The following ELMO1 variants were observed in gnomAD, a reference collection of about 807,000 sequenced individuals.
The protein encoded by ELMO1 is engulfment and cell motility 1.
In ELMO1, 26 loss-of-function variants were observed where a neutral mutation model predicts 98.9. The observed-to-expected ratio is 0.26, with a 90% CI of 0.19 to 0.36. The LOEUF is 0.36. Ranked by LOEUF, ELMO1 falls within the 10% of genes least tolerant of loss-of-function variation. The pLI is 1.00. For missense variants in ELMO1, 627 were observed against 935.2 expected (o/e 0.67, Z 4.30); for synonymous variants, 346 against 346.0 (o/e 1.00, Z 0.00).
chr7:37,091,794 A>G (rs79897429), intron 15 of ELMO1, among the ~76,000 whole-genome samples: 8 of 152,216 alleles, frequency 5.3e-5, no homozygotes, highest in South Asian at 2.1e-4. Flanking sequence ...GGTGGAAGGC[A>G]AAAGGCAAGT....
intron 6 of ELMO1, among the ~76,000 whole-genome samples, chr7:37,258,101 C>G (rs1342915530): frequency 6.6e-6 from 1 of 152,158 alleles, no homozygotes; most frequent in Admixed American, 6.6e-5. Flanking sequence ...AACCCCATCT[C>G]TACTAAAAAT....
At chr7:36,969,184 T>C (rs1026407317) in intron 16 of ELMO1, among the ~76,000 whole-genome samples, 2 of 151,916 alleles carry the variant, frequency 1.3e-5, no homozygotes, top group Non-Finnish European at 2.9e-5. Context: ...ATTCTATATA[T>C]TATATTTTAA....
intron 1 of ELMO1, among the ~76,000 whole-genome samples, chr7:37,379,126 G>A (rs1428687415): frequency 4.6e-5 from 7 of 151,690 alleles, no homozygotes; most frequent in African/African-American, 4.8e-5. Context: ...TGCAAGCTCC[G>A]CCTCCCGGGT....
At chr7:37,418,217 C>T (rs549474865) in intron 1 of ELMO1, among the ~76,000 whole-genome samples, 87 of 152,302 alleles carry the variant, frequency 5.7e-4, no homozygotes, top group African/African-American at 2.1e-3. Flanking sequence ...TTTCATTCCA[C>T]CTTCTTTTTC....
At chr7:37,288,467 C>T (rs1215317457) in intron 4 of ELMO1, among the ~76,000 whole-genome samples, 2 of 152,166 alleles carry the variant, frequency 1.3e-5, no homozygotes, top group Non-Finnish European at 2.9e-5. Context: ...TCAGGTGATC[C>T]GCCCACCTCA....
At chr7:37,212,452 C>T (rs574304367) in intron 12 of ELMO1, among the ~76,000 whole-genome samples, 138 of 152,200 alleles carry the variant, frequency 9.1e-4, no homozygotes, top group Non-Finnish European at 1.2e-3. Flanking sequence ...AAGCAAAGAG[C>T]GTCATGTCAT....
At chr7:37,341,647 T>A (rs898172268) in intron 2 of ELMO1, among the ~76,000 whole-genome samples, 2 of 152,236 alleles carry the variant, frequency 1.3e-5, no homozygotes, top group African/African-American at 4.8e-5. Flanking sequence ...TCCTTTGGAT[T>A]CGCACAATTC....
intron 13 of ELMO1, among the ~76,000 whole-genome samples, chr7:37,177,049 A>G (rs552551934): frequency 3.3e-5 from 5 of 152,320 alleles, no homozygotes; most frequent in African/African-American, 1.2e-4. Flanking sequence ...CAAACTAGAT[A>G]AAAGGTGGGA....
chr7:37,259,305 T>G lies in ELMO1; in HGVS notation c.289A>C (p.Met97Leu). Residue 97 changes from methionine (M) to leucine (L), a missense_variant, in exon 6 of 22, where the codon ATG (methionine) becomes CTG (leucine). Physicochemically the swap from Met to Leu is conservative, Grantham distance 15. Transcript: ENST00000310758. ...TTCAGGGCTTCCAGCTTGGCATCCA[T>G]ACTCGAGGACTGGATTCGTTCATGG... ...QLHERIQSSSMDAKLEALKDL... is the reference protein window; with the variant it reads ...QLHERIQSSSLDAKLEALKDL... 6.2e-7 allele frequency: 1 copy of G among 1,614,162 alleles called. No individual in the cohort carries two copies. The highest frequency in any genetic ancestry group is 1.1e-5 in the South Asian group (1 of 91,082).
intron 13 of ELMO1, among the ~76,000 whole-genome samples, chr7:37,141,148 A>G (rs140804945): frequency 0.085 from 12,895 of 152,284 alleles, 649 homozygotes; most frequent in Middle Eastern, 0.15. Flanking sequence ...CCATCAATCA[A>G]TGAGTGGATA....
intron 16 of ELMO1, among the ~76,000 whole-genome samples, chr7:37,000,994 T>C (rs1040751925): frequency 6.6e-6 from 1 of 151,880 alleles, no homozygotes; most frequent in Non-Finnish European, 1.5e-5. Context: ...CAACCAATCT[T>C]CTTGGAAAAA....
At chr7:37,433,336 G>A (rs1364950737) in intron 1 of ELMO1, among the ~76,000 whole-genome samples, 1 of 152,194 alleles carries the variant, frequency 6.6e-6, no homozygotes, top group African/African-American at 2.4e-5. Context: ...TAAGAGAGAA[G>A]GACATGAAAC....
rs60226641 is a variant in ELMO1 at position 37,423,584 on chromosome 7, A to AAAAC, written c.-74+25087_-74+25090dup. ...GACAGAGCCAGACCCTGTCTCAAAG[A>AAAAC]AAACAAACAAACAAACAAACAAACA... On this transcript the variant is annotated intron_variant, in intron 1 of 21. Transcript: ENST00000310758. 3.4e-3 allele frequency among the ~76,000 whole-genome samples: 517 copies of AAAAC among 150,456 alleles called. 2 individuals carry two copies. The highest frequency in any genetic ancestry group is 0.014 in the Middle Eastern group (4 of 294).
chr7:37,202,969 C>G (rs1792381959), intron 13 of ELMO1, among the ~76,000 whole-genome samples: 2 of 152,266 alleles, frequency 1.3e-5, no homozygotes, highest in Admixed American at 1.3e-4. Context: ...TCCCTGGACC[C>G]TGCTGATCGG....
intron 14 of ELMO1, chr7:37,132,921 C>A (rs143656091): frequency 2.7e-6 from 1 of 372,156 alleles, no homozygotes; most frequent in Non-Finnish European, 4.8e-6. Context: ...TTTTTAATGT[C>A]ATCGAAATAA....
intron 8 of ELMO1, among the ~76,000 whole-genome samples, chr7:37,228,392 CT>C (rs886135227): frequency 6.6e-6 from 1 of 152,198 alleles, no homozygotes; most frequent in African/African-American, 2.4e-5. Flanking sequence ...TTCCCTCTGC[CT>C]TTCAATTTAT....
chr7:37,372,228 A>G (rs962374291), intron 1 of ELMO1, among the ~76,000 whole-genome samples: 2 of 152,180 alleles, frequency 1.3e-5, no homozygotes, highest in African/African-American at 4.8e-5. Flanking sequence ...ACCCCAAAAA[A>G]GTTAAGTGAC....
At chr7:37,374,702 G>C (rs1802258587) in intron 1 of ELMO1, among the ~76,000 whole-genome samples, 1 of 152,050 alleles carries the variant, frequency 6.6e-6, no homozygotes, top group African/African-American at 2.4e-5. Context: ...AGTGAGCCAA[G>C]ATTGCATCAC....
chr7:37,002,885 A>G (rs999975106), intron 16 of ELMO1, among the ~76,000 whole-genome samples: 2 of 152,210 alleles, frequency 1.3e-5, no homozygotes, highest in Non-Finnish European at 2.9e-5. Context: ...GTTCACTGAC[A>G]TAAGTTCTAG....
Sources: gnomAD v4.1 joint callset for allele counts (sites outside exome capture counted in the v4.1 genomes callset) on GRCh38, gnomAD v4.1.1 for gene constraint, MANE v1.5 for transcripts, NCBI Gene and HGNC (gene_info 2026-07-23, HGNC 2026-07-21) for gene names.